The following PLCL1 variants were observed in gnomAD, a reference collection of about 807,000 sequenced individuals.
PLCL1 encodes the protein inactive phospholipase C-like protein 1.
Under a neutral mutation model 84.4 loss-of-function variants are expected in PLCL1, and 41 were observed. The observed-to-expected ratio is 0.49, with a 90% CI of 0.38 to 0.63. The LOEUF is 0.63. Ranked by LOEUF, PLCL1 falls within the 30% of genes least tolerant of loss-of-function variation. The pLI is 0.00. For missense variants in PLCL1, 1,206 were observed against 1,367.8 expected (o/e 0.88, Z 1.87); for synonymous variants, 490 against 488.3 (o/e 1.00, Z -0.05).
chr2:198,042,744 A>T (rs1359362030), intron 1 of PLCL1, among the ~76,000 whole-genome samples: 1 of 152,212 alleles, frequency 6.6e-6, no homozygotes, highest in Non-Finnish European at 1.5e-5. Context: ...CAGAAATACA[A>T]CATTTGATTT....
chr2:197,986,371 G>T (rs1367881003), intron 1 of PLCL1, among the ~76,000 whole-genome samples: 1 of 152,054 alleles, frequency 6.6e-6, no homozygotes, highest in Non-Finnish European at 1.5e-5. Flanking sequence ...TATTATTTTA[G>T]AGCAGGGTCT....
chr2:198,121,357 G>T (rs1206860908), intron 5 of PLCL1, among the ~76,000 whole-genome samples: 1 of 152,008 alleles, frequency 6.6e-6, no homozygotes, highest in African/African-American at 2.4e-5. Flanking sequence ...GGTTTCTTGT[G>T]CTTGTGGGGT....
At chr2:197,807,971 CAT>C (rs542834344) in intron 1 of PLCL1, among the ~76,000 whole-genome samples, 99 of 152,170 alleles carry the variant, frequency 6.5e-4, no homozygotes, top group African/African-American at 2.2e-3. Flanking sequence ...TTTGTGAAAA[CAT>C]GTGTTTAGTT....
chr2:197,883,343 C>A (rs904513588), intron 1 of PLCL1, among the ~76,000 whole-genome samples: 1 of 152,074 alleles, frequency 6.6e-6, no homozygotes, highest in African/African-American at 2.4e-5. Flanking sequence ...GGGAGATAGA[C>A]CTGGTAGACT....
rs1355355794 is a variant in PLCL1 at position 197,953,176 on chromosome 2, T to G, written c.241-130582T>G. On this transcript the variant is annotated intron_variant, in intron 1 of 5. Coordinates refer to ENST00000428675, the MANE Select transcript of PLCL1 (RefSeq NM_006226.4). The stretch of plus-strand genomic sequence containing the variant: ...AGGTTGGCTGAGGTCATATGACTAA[T>G]GCGGAGATGTAACTCGGGTTTGCTG... Among the ~76,000 whole-genome samples the G allele has an allele frequency of 2.0e-5, 3 of 152,100 alleles. No individual in the cohort carries two copies. In the East Asian group the frequency reaches 5.8e-4, roughly 29 times the overall value.
intron 1 of PLCL1, among the ~76,000 whole-genome samples, chr2:197,835,174 A>C (rs1159320206): frequency 6.6e-6 from 1 of 152,210 alleles, no homozygotes; most frequent in Admixed American, 6.5e-5. Context: ...GAGGGATAGC[A>C]TTAGGAGAAA....
chr2:197,939,376 C>T (rs565335620), intron 1 of PLCL1, among the ~76,000 whole-genome samples: 1 of 152,282 alleles, frequency 6.6e-6, no homozygotes, highest in East Asian at 1.9e-4. Context: ...GGGAATGGGA[C>T]CTGTATTTGT....
rs1396676969 is a variant in PLCL1, at chr2:198,085,443, C to G, written c.1926C>G (p.Ile642Met). ...ATAATAAGAAGTTCTTATCAAGAAT[C>G]TATCCAAGTGCCATGAGGATCGATT... ...VNYNKKFLSRIYPSAMRIDSS... is the reference protein window; with the variant it reads ...VNYNKKFLSRMYPSAMRIDSS... Residue 642 changes from isoleucine to methionine, a missense_variant, in exon 2 of 6, where the codon ATC becomes ATG. By Grantham distance (10) the Ile-to-Met change is conservative (BLOSUM62 1). Coordinates refer to ENST00000428675, the MANE Select transcript of PLCL1 (RefSeq NM_006226.4). This position sits in a 1 kb window ranked among gnomAD's most constrained non-coding sequence, Gnocchi z 5.3. 1 of 1,613,580 alleles carries G rather than the reference C, an allele frequency of 6.2e-7. No homozygotes were observed. Among genetic ancestry groups the G allele is most frequent in the Non-Finnish European group, 8.5e-7 (1 of 1,179,552 alleles).
chr2:197,888,370 C>G (rs1022397899), intron 1 of PLCL1, among the ~76,000 whole-genome samples: 4 of 151,920 alleles, frequency 2.6e-5, no homozygotes, highest in Admixed American at 6.6e-5. Flanking sequence ...TATGAGCAAC[C>G]GTCTACATTA....
intron 1 of PLCL1, among the ~76,000 whole-genome samples, chr2:197,890,682 C>CTATATATATATATATATATATATATA (rs1553500076): frequency 5.2e-5 from 6 of 116,188 alleles, no homozygotes; most frequent in African/African-American, 2.3e-4. Flanking sequence ...TATTTTTTTG[C>CTATATATATATATATATATATATATA]TATATATATA....
chr2:197,944,589 A>G (rs761405139), intron 1 of PLCL1, among the ~76,000 whole-genome samples: 19 of 152,216 alleles, frequency 1.2e-4, no homozygotes, highest in Non-Finnish European at 2.6e-4. Context: ...AAATACTTTC[A>G]CTAGCATTGA....
chr2:197,962,547 T>G (rs1022651564), intron 1 of PLCL1, among the ~76,000 whole-genome samples: 2 of 152,072 alleles, frequency 1.3e-5, no homozygotes, highest in East Asian at 3.9e-4. Flanking sequence ...CACATCAGGG[T>G]AAGTGGAGCA....
chr2:198,039,729 T>A (rs751017534), intron 1 of PLCL1, among the ~76,000 whole-genome samples: 9 of 152,154 alleles, frequency 5.9e-5, no homozygotes, highest in Non-Finnish European at 1.0e-4. Context: ...TTAGGAAGAG[T>A]AGCCATTTAA....
intron 1 of PLCL1, among the ~76,000 whole-genome samples, chr2:197,855,212 A>G (rs1269942870): frequency 1.3e-5 from 2 of 152,178 alleles, no homozygotes; most frequent in Non-Finnish European, 2.9e-5. Flanking sequence ...GGCACCTGAC[A>G]TTAGTTTCCT....
chr2:197,932,591 C>T (rs1039562264), intron 1 of PLCL1, among the ~76,000 whole-genome samples: 1 of 152,160 alleles, frequency 6.6e-6, no homozygotes, highest in African/African-American at 2.4e-5. Context: ...CATTGTTCAG[C>T]TTCCGCTTAT....
At chr2:197,835,416 T>C (rs1691165647) in intron 1 of PLCL1, among the ~76,000 whole-genome samples, 1 of 152,232 alleles carries the variant, frequency 6.6e-6, no homozygotes, top group Admixed American at 6.5e-5. Context: ...TACAGGTCCA[T>C]AACATTTTCG....
At chr2:198,023,947 C>G (rs569291571) in intron 1 of PLCL1, among the ~76,000 whole-genome samples, 84 of 152,274 alleles carry the variant, frequency 5.5e-4, no homozygotes, top group African/African-American at 1.9e-3. Flanking sequence ...CACATGCACA[C>G]ATATGTTTAT....
intron 1 of PLCL1, among the ~76,000 whole-genome samples, chr2:197,973,703 G>A (rs1383996478): frequency 6.6e-6 from 1 of 152,180 alleles, no homozygotes; most frequent in Non-Finnish European, 1.5e-5. Context: ...CAGTGTGGCC[G>A]GAGTACATGA....
rs569850978 is a variant in PLCL1, at chr2:198,107,105, A to T, written c.3105+3169A>T. Among the ~76,000 whole-genome samples the T allele has an allele frequency of 4.6e-5, 7 of 152,044 alleles. 1 individual carries two copies. In the South Asian group the frequency reaches 1.0e-3, roughly 23 times the overall value. On this transcript the variant is annotated intron_variant, in intron 5 of 5. Transcript: ENST00000428675. ...TCAGCATGGCTGGGAGGGCCACAGG[A>T]AACTTACAGTCATGGTGCAAGAGGA... is the stretch of plus-strand genomic sequence containing the variant.
Sources: allele counts gnomAD v4.1 joint callset (sites outside exome capture counted in the v4.1 genomes callset), GRCh38; gene constraint gnomAD v4.1.1; non-coding constraint Gnocchi (gnomAD v3.1); transcripts MANE v1.5; gene names NCBI Gene and HGNC (gene_info 2026-07-23, HGNC 2026-07-21).